Variants in WDFY4 observed in about 807,000 individuals in gnomAD.
WDFY4 encodes WD repeat- and FYVE domain-containing protein 4.
WDFY4 carries 169 observed loss-of-function variants against 351.9 expected under a neutral mutation model. That is an observed-to-expected ratio of 0.48 (90% confidence interval 0.42 to 0.55). The LOEUF (loss-of-function observed/expected upper bound fraction) is 0.55, where lower values mean the gene tolerates loss of function less well. WDFY4 is among the 20% of genes least tolerant of loss of function. The pLI, the probability that WDFY4 is intolerant of heterozygous loss-of-function variation, is 0.00. For synonymous variants in WDFY4, 1,622 were observed against 1,574.6 expected, an observed-to-expected ratio of 1.03 and a Z score of -0.71; for missense variants, 3,803 against 3,935.6, an observed-to-expected ratio of 0.97 and a Z score of 0.90.
intron 11 of WDFY4, among the ~76,000 whole-genome samples, chr10:48,737,358 A>G (rs1414340421): frequency 2.0e-5 from 3 of 149,270 alleles, no homozygotes; most frequent in African/African-American, 7.4e-5. Flanking sequence ...TTGGTGAATT[A>G]AAAAAAAAAG....
chr10:48,779,934 C>T lies in WDFY4; in HGVS notation c.3398-7C>T, dbSNP rs756328260. On this transcript the variant is annotated splice_region_variant and splice_polypyrimidine_tract_variant and intron_variant, in intron 18 of 61. Transcript: ENST00000325239. ...ACGTGAGACTCAGTGTTCATGCTGT[C>T]TTCCAGATGTCATGGAACCTGAGGA... The T allele has an allele frequency of 6.4e-7, 1 of 1,551,442 alleles. No homozygotes were observed. The highest frequency in any genetic ancestry group is 8.7e-7 in the Non-Finnish European group (1 of 1,146,994).
intron 39 of WDFY4, among the ~76,000 whole-genome samples, chr10:48,862,223 A>G (rs1465671007): frequency 6.6e-6 from 1 of 152,162 alleles, no homozygotes; most frequent in Non-Finnish European, 1.5e-5. Flanking sequence ...TCTTGATGTG[A>G]GTCTATGTTA....
chr10:48,882,656 C>T (rs34120130), intron 43 of WDFY4, among the ~76,000 whole-genome samples: 1 of 151,960 alleles, frequency 6.6e-6, no homozygotes, highest in Admixed American at 6.5e-5. Flanking sequence ...TGGGAGCCAG[C>T]GCATCACATA....
intron 24 of WDFY4, among the ~76,000 whole-genome samples, chr10:48,800,696 T>TTCTTTCTTTC (rs1555016090): frequency 1.6e-4 from 22 of 138,694 alleles, no homozygotes; most frequent in African/African-American, 6.3e-4. Flanking sequence ...CTTTCTTTCT[T>TTCTTTCTTTC]TCTTTCTTTC....
intron 47 of WDFY4, among the ~76,000 whole-genome samples, chr10:48,933,584 C>A (rs1404469603): frequency 6.6e-6 from 1 of 152,166 alleles, no homozygotes; most frequent in Non-Finnish European, 1.5e-5. Flanking sequence ...CCAGGTCAAG[C>A]CCCATCCTTA....
At chr10:48,779,040 G>A (rs2066131748) in intron 18 of WDFY4, among the ~76,000 whole-genome samples, 1 of 152,228 alleles carries the variant, frequency 6.6e-6, no homozygotes, top group African/African-American at 2.4e-5. Flanking sequence ...GCTTGTAAGT[G>A]TCAGGCAGAT....
chr10:48,768,723 AAGAGAGAGAGAG>A (rs71026224), intron 13 of WDFY4, among the ~76,000 whole-genome samples: 7 of 141,070 alleles, frequency 5.0e-5, no homozygotes, highest in Non-Finnish European at 9.2e-5. Context: ...GGGAGAGGAG[AAGAGAGAGAGAG>A]AGAGAGAGAG....
At chr10:48,907,205 A>G (rs1837659497) in intron 47 of WDFY4, among the ~76,000 whole-genome samples, 1 of 152,208 alleles carries the variant, frequency 6.6e-6, no homozygotes. Context: ...GTTCATACTG[A>G]GCCCAGATTT....
At position 48,813,921 on chromosome 10, in the gene WDFY4, C is replaced by T. The variant is rs546494104; in HGVS notation, c.5215-36C>T. ...AAAGCTCGTTCTCTTGGTGAGTAGC[C>T]GCAGGTCTGCTTACAGCTCCTGCCT... On this transcript the variant is annotated intron_variant, in intron 30 of 61. Coordinates refer to ENST00000325239, the MANE Select transcript of WDFY4 (RefSeq NM_001394531.1). 4.7e-5 allele frequency: 70 copies of T among 1,474,872 alleles called. 2 individuals carry two copies. In the Admixed American group the frequency reaches 1.2e-3, roughly 25 times the overall value. The allele number at this position is 1,474,872 out of a possible 1,614,324, so 91.4% of individuals were successfully genotyped here. A position where few individuals can be genotyped will look rare whatever the true frequency, so the allele number is the denominator to read the frequency against.
rs1841973018 is a variant in WDFY4, at chr10:48,964,020, G to T, written c.8402G>T (p.Gly2801Val). The T allele has an allele frequency of 6.5e-7, 1 of 1,549,968 alleles. No homozygotes were observed. The highest frequency in any genetic ancestry group is 1.4e-5 in the African/African-American group (1 of 72,960). ...TDPLIKSTIL[G>V]FVSNFGQVPK... ...CCCCTCATCAAAAGCACCATCCTGGGGTTTGTCAGCAACTTTGGACAGGTG... is the reference window on the plus strand; with the variant it reads ...CCCCTCATCAAAAGCACCATCCTGGTGTTTGTCAGCAACTTTGGACAGGTG... The change falls in exon 54 of 62, where the codon GGG (glycine) becomes GTG (valine). Residue 2801 changes from glycine to valine, a missense_variant. This residue lies in a region of WDFY4 where 3,054 missense variants were observed against 3,148.6 expected (regional missense o/e 0.97). Transcript: ENST00000325239.
chr10:48,793,490 T>C (rs1295751922), intron 23 of WDFY4, among the ~76,000 whole-genome samples: 1 of 152,212 alleles, frequency 6.6e-6, no homozygotes, highest in Non-Finnish European at 1.5e-5. Flanking sequence ...GTTTTTGCTT[T>C]TGTTTTTTTA....
At chr10:48,950,159 CT>C (rs1841251835) in intron 51 of WDFY4, among the ~76,000 whole-genome samples, 1 of 152,172 alleles carries the variant, frequency 6.6e-6, no homozygotes, top group South Asian at 2.1e-4. Context: ...ACTTTTTCAT[CT>C]TCCCAAACCC....
intron 23 of WDFY4, among the ~76,000 whole-genome samples, chr10:48,792,845 C>T (rs1321526135): frequency 6.6e-6 from 1 of 152,180 alleles, no homozygotes; most frequent in Non-Finnish European, 1.5e-5. Context: ...ACCTCAGGCT[C>T]ACTGTGGTCT....
intron 1 of WDFY4, among the ~76,000 whole-genome samples, chr10:48,697,278 C>T (rs1003434312): frequency 6.6e-6 from 1 of 152,192 alleles, no homozygotes; most frequent in African/African-American, 2.4e-5. Flanking sequence ...GCTCCCTTCC[C>T]GACCTGCTTT....
chr10:48,860,787 A>G (rs891284727), intron 39 of WDFY4, among the ~76,000 whole-genome samples: 3 of 152,252 alleles, frequency 2.0e-5, no homozygotes, highest in African/African-American at 7.2e-5. Flanking sequence ...TTTTTGACAC[A>G]GATTAAAGTC....
intron 5 of WDFY4, among the ~76,000 whole-genome samples, chr10:48,725,282 G>T (rs1002138842): frequency 4.6e-5 from 7 of 152,238 alleles, no homozygotes; most frequent in South Asian, 2.1e-4. Context: ...AAGAGCCCAG[G>T]GGGGAGCTGC....
intron 39 of WDFY4, among the ~76,000 whole-genome samples, chr10:48,836,834 C>T (rs2068415827): frequency 1.3e-5 from 2 of 152,294 alleles, no homozygotes; most frequent in South Asian, 4.1e-4. Context: ...GTGCAGGCCA[C>T]TTTCTCATGT....
At chr10:48,746,910 T>C (rs1182124078) in intron 12 of WDFY4, among the ~76,000 whole-genome samples, 2 of 152,308 alleles carry the variant, frequency 1.3e-5, no homozygotes, top group African/African-American at 2.4e-5. Flanking sequence ...TGACAGTTAT[T>C]GTTGTTGTTT....
At chr10:48,787,956 T>TCTCCTTCTC in intron 20 of WDFY4, among the ~76,000 whole-genome samples, 1 of 108,172 alleles carries the variant, frequency 9.2e-6, no homozygotes, top group South Asian at 3.2e-4. Flanking sequence ...TTCTTCTTCT[T>TCTCCTTCTC]CTTCTTCTTC....
Sources: allele counts gnomAD v4.1 joint callset (sites outside exome capture counted in the v4.1 genomes callset), GRCh38; gene constraint gnomAD v4.1.1; regional missense constraint gnomAD v4.1.1; transcripts MANE v1.5; gene names NCBI Gene and HGNC (gene_info 2026-07-23, HGNC 2026-07-21).